The following MYBPC1 variants were observed in gnomAD, a reference collection of about 807,000 sequenced individuals.
The protein encoded by MYBPC1 is myosin binding protein C1, also known as myosin-binding protein C, slow-type.
In MYBPC1, 52 loss-of-function variants were observed where a neutral mutation model predicts 147.1. The ratio of observed to expected loss-of-function variants is 0.35; its 90% CI spans 0.28 to 0.45. MYBPC1 has a LOEUF of 0.45. Ranked by LOEUF, MYBPC1 falls within the 20% of genes least tolerant of loss-of-function variation. The pLI is 1.00. For synonymous variants in MYBPC1, 477 were observed against 475.9 expected (o/e 1.00, Z -0.03); for missense variants, 1,228 against 1,440.3 (o/e 0.85, Z 2.39).
intron 1 of MYBPC1, 129 bp from the exon 2 acceptor site, chr12:101,614,367 C>A: frequency 1.1e-6 from 1 of 900,662 alleles, no homozygotes; most frequent in Non-Finnish European, 1.8e-6. Context: ...GTGTTTCCCT[C>A]CTCCATCCCT....
chr12:101,664,022 A>T (rs553740192), intron 22 of MYBPC1, among the ~76,000 whole-genome samples: 2 of 152,352 alleles, frequency 1.3e-5, no homozygotes, highest in East Asian at 3.8e-4. Flanking sequence ...GCCTTCATCT[A>T]AAAATAAGAT....
chr12:101,635,078 A>G (rs1014631320), intron 9 of MYBPC1, among the ~76,000 whole-genome samples: 2 of 152,216 alleles, frequency 1.3e-5, no homozygotes, highest in East Asian at 1.9e-4. Flanking sequence ...AGTTAGTGCC[A>G]TATAATATTG....
At chr12:101,645,653 A>G (rs1411968802) in intron 12 of MYBPC1, among the ~76,000 whole-genome samples, 2 of 152,258 alleles carry the variant, frequency 1.3e-5, no homozygotes, top group East Asian at 3.8e-4. Flanking sequence ...TACCAAAAAC[A>G]TAATTTTAAT....
chr12:101,636,802 T>G (rs1891077048), intron 10 of MYBPC1, 74 bp downstream of exon 10: 1 of 1,222,686 alleles, frequency 8.2e-7, no homozygotes, highest in African/African-American at 1.5e-5. Context: ...AAGTCAAGTT[T>G]AAAGTGGATG....
intron 8 of MYBPC1, among the ~76,000 whole-genome samples, chr12:101,634,120 G>A (rs990382980): frequency 3.3e-5 from 5 of 151,914 alleles, no homozygotes; most frequent in Admixed American, 6.5e-5. Flanking sequence ...CAGGCTGGTC[G>A]CGATCTCCTG....
intron 1 of MYBPC1, among the ~76,000 whole-genome samples, chr12:101,611,721 G>A (rs1171523854): frequency 6.6e-6 from 1 of 152,200 alleles, no homozygotes; most frequent in Non-Finnish European, 1.5e-5. Context: ...AAGTCATAGT[G>A]AAAAGAGAAT....
chr12:101,647,780 A>G lies in MYBPC1; in HGVS notation c.1091-265A>G, dbSNP rs931299669. Among the ~76,000 whole-genome samples, 42 of 152,126 alleles carry G rather than the reference A, an allele frequency of 2.8e-4. 2 individuals carry two copies. Among genetic ancestry groups the G allele is most frequent in the Admixed American group, 6.6e-5 (1 of 15,266 alleles). On this transcript the variant is annotated intron_variant, in intron 13 of 31. Coordinates refer to ENST00000361466, the MANE Select transcript of MYBPC1 (RefSeq NM_002465.4). ...CATGCACCTGTAATCCCAGCTACTC[A>G]GGAGGCTGAGGCAGGAGAATTGCTT...
At chr12:101,640,858 G>C (rs1395778467) in intron 10 of MYBPC1, among the ~76,000 whole-genome samples, 1 of 152,024 alleles carries the variant, frequency 6.6e-6, no homozygotes, top group African/African-American at 2.4e-5. Context: ...AGGCTGGTGT[G>C]GTGGCCAGCA....
At chr12:101,686,095 T>C (rs1594108809), downstream of MYBPC1, 2 of 154,698 alleles carry the variant, frequency 1.3e-5, no homozygotes, top group African/African-American at 4.8e-5. Context: ...AAAGCGGAGT[T>C]GTTGATGTCA....
rs1286281128 is a variant in MYBPC1, at chr12:101,649,343, T to C, written c.1280T>C (p.Ile427Thr). ...GAGGGTAAAAAACACATCTTGATCA[T>C]AGAGGGAGCAACAAAGGCTGATGCT... ...RVEGKKHILI[I>T]EGATKADAAE... The change falls in exon 15 of 32, where the codon ATA becomes ACA. Residue 427 changes from isoleucine (I) to threonine (T), a missense_variant. This residue lies in a region of MYBPC1 where 1,077 missense variants were observed against 1,314.2 expected (regional missense o/e 0.82). Transcript: ENST00000361466. 1.2e-6 allele frequency: 2 copies of C among 1,613,954 alleles called. No individual in the cohort carries two copies. Among genetic ancestry groups the C allele is most frequent in the Non-Finnish European group, 1.7e-6 (2 of 1,179,868 alleles).
At chr12:101,617,885 C>A (rs1886500883) in intron 3 of MYBPC1, among the ~76,000 whole-genome samples, 1 of 152,086 alleles carries the variant, frequency 6.6e-6, no homozygotes, top group Non-Finnish European at 1.5e-5. Context: ...ATTCCTTTGT[C>A]TCACCATGGA....
the MYBPC1 span, among the ~76,000 whole-genome samples, chr12:101,692,583 T>C: frequency 6.6e-6 from 1 of 152,164 alleles, no homozygotes; most frequent in Non-Finnish European, 1.5e-5. Context: ...TCATAGAGTG[T>C]TTGTGAGGAG....
chr12:101,616,008 A>G (rs1024623435), intron 2 of MYBPC1, among the ~76,000 whole-genome samples: 5 of 150,636 alleles, frequency 3.3e-5, no homozygotes, highest in African/African-American at 1.2e-4. Flanking sequence ...GCAAGCAGAG[A>G]TTGTTTTTCA....
chr12:101,606,957 T>C (rs1002516367), intron 1 of MYBPC1, among the ~76,000 whole-genome samples: 2 of 152,102 alleles, frequency 1.3e-5, no homozygotes, highest in African/African-American at 4.8e-5. Flanking sequence ...CCAAAGTAGC[T>C]GGGACCACAG....
intron 5 of MYBPC1, chr12:101,629,094 C>T: frequency 1.9e-5 from 7 of 363,678 alleles, no homozygotes; most frequent in South Asian, 1.6e-4. Context: ...TGCTTGAATA[C>T]ACTGGCCACC....
intron 9 of MYBPC1, among the ~76,000 whole-genome samples, chr12:101,635,384 C>G (rs1890784062): frequency 6.6e-6 from 1 of 152,084 alleles, no homozygotes; most frequent in Non-Finnish European, 1.5e-5. Context: ...TAAGGAAAGT[C>G]ACTCCAAACT....
chr12:101,680,689 G>A (rs1950882226), intron 29 of MYBPC1, among the ~76,000 whole-genome samples, 160 bp downstream of exon 29: 1 of 152,214 alleles, frequency 6.6e-6, no homozygotes, highest in South Asian at 2.1e-4. Context: ...GGAATTAAGG[G>A]AGAGAAGACA....
chr12:101,649,229 C>A, intron 14 of MYBPC1, 31 bp from the exon 15 acceptor site: 1 of 1,597,578 alleles, frequency 6.3e-7, no homozygotes, highest in Non-Finnish European at 8.6e-7. Context: ...GGATCTTTTA[C>A]AAACCTTTTT....
At chr12:101,631,536 TA>T in intron 6 of MYBPC1, 34 bp from the exon 7 acceptor site, 1 of 1,611,850 alleles carries the variant, frequency 6.2e-7, no homozygotes, top group Non-Finnish European at 8.5e-7. Flanking sequence ...TGACGCTTGT[TA>T]AAGAGCAAGC....
Sources: allele counts gnomAD v4.1 joint callset (sites outside exome capture counted in the v4.1 genomes callset), GRCh38; gene constraint gnomAD v4.1.1; regional missense constraint gnomAD v4.1.1; transcripts MANE v1.5; gene names NCBI Gene and HGNC (gene_info 2026-07-23, HGNC 2026-07-21).